The following NIPBL variants were observed in gnomAD, a reference collection of about 807,000 sequenced individuals.
NIPBL encodes the protein nipped-B-like protein.
A neutral mutation model predicts 321.8 loss-of-function variants in NIPBL; 19 were observed. That is an observed-to-expected ratio of 0.06 (90% CI 0.04 to 0.09). The LOEUF is 0.09. Among genes scored for constraint, NIPBL ranks in the 10% least tolerant of loss-of-function variants. The pLI is 1.00. For missense variants in NIPBL, 2,210 were observed against 3,327.0 expected, an observed-to-expected ratio of 0.66 and a Z score of 8.26; for synonymous variants, 1,106 against 1,114.1, an observed-to-expected ratio of 0.99 and a Z score of 0.14.
intron 3 of NIPBL, among the ~76,000 whole-genome samples, chr5:36,955,889 CT>C (rs1225625720): frequency 7.2e-5 from 11 of 151,892 alleles, no homozygotes; most frequent in African/African-American, 2.7e-4. Flanking sequence ...TTGAACTTAT[CT>C]TGGGGGATCC....
intron 1 of NIPBL, among the ~76,000 whole-genome samples, chr5:36,953,169 C>T (rs958008283): frequency 1.3e-5 from 2 of 152,254 alleles, no homozygotes; most frequent in African/African-American, 4.8e-5. Flanking sequence ...ATAAAAGACA[C>T]AGCTAGAAAG....
rs1416730651 is a variant in NIPBL, at chr5:37,064,935, A to C, written c.*43A>C. 1 of 1,613,072 alleles carries C rather than the reference A, an allele frequency of 6.2e-7. No homozygotes were observed. The highest frequency in any genetic ancestry group is 2.2e-5 in the East Asian group (1 of 44,892). On this transcript the variant is annotated 3_prime_UTR_variant, in exon 47 of 47. Transcript: ENST00000282516. ...CCAAATTTACAGGAATTTTTTTAAA[A>C]GGCAGAAAAACTTGAAATACCAACA...
rs1021678109 is a variant in NIPBL, at chr5:36,996,942, T to C, written c.3304+1138T>C. 6.4e-6 allele frequency: 1 copy of C among 155,552 alleles called. No homozygotes were observed. The highest frequency in any genetic ancestry group is 1.9e-4 in the East Asian group (1 of 5,292). 9.6% of individuals were successfully genotyped at this position (155,552 alleles called of 1,614,324 possible). On this transcript the variant is annotated intron_variant, in intron 11 of 46. Transcript: ENST00000282516. This position sits in a 1 kb window ranked among gnomAD's most constrained non-coding sequence, Gnocchi z 5.0. ...AGCTCTTGAGCTATGAGCAGTAGAC[T>C]ATGAATACTGAACAAATCTGAAAAA...
chr5:36,986,335 T>C (rs763259465), intron 10 of NIPBL, 34 bp downstream of exon 10: 2 of 1,345,506 alleles, frequency 1.5e-6, no homozygotes, highest in East Asian at 4.8e-5. Flanking sequence ...ATTTATAATA[T>C]AATCGATTTT....
At chr5:36,977,908 A>G (rs1373306457) in intron 9 of NIPBL, among the ~76,000 whole-genome samples, 3 of 151,882 alleles carry the variant, frequency 2.0e-5, no homozygotes, top group Admixed American at 2.0e-4. Flanking sequence ...AATGGCCTCA[A>G]ACTGCATCCA....
At position 36,976,302 on chromosome 5, in the gene NIPBL, A is replaced by T. The variant is rs1410510139; in HGVS notation, c.1395A>T (p.Ile465=). The change falls in exon 9 of 47, where the codon ATA becomes ATT. Residue 465 remains isoleucine (I), a synonymous_variant. Coordinates refer to ENST00000282516, the MANE Select transcript of NIPBL (RefSeq NM_133433.4). ...AACAGATATCACAACAGGGACCTAT[A>T]TATGATGAAGTGGAATTGGATGCAT... ...NQQQISQQGP[I]YDEVELDALA... is the part of the protein sequence containing the mutation. 1 of 1,613,568 alleles carries T rather than the reference A, an allele frequency of 6.2e-7. No individual in the cohort carries two copies. The highest frequency in any genetic ancestry group is 8.5e-7 in the Non-Finnish European group (1 of 1,179,856).
intron 9 of NIPBL, among the ~76,000 whole-genome samples, chr5:36,978,486 T>C (rs1314640487): frequency 1.3e-5 from 2 of 152,024 alleles, no homozygotes; most frequent in East Asian, 1.9e-4. Flanking sequence ...TTCTCAGTAT[T>C]AGACCTTTGT....
Position 36,955,608 on chromosome 5 carries a change from T to C in NIPBL, c.201T>C (p.His67=). 3 of 1,614,054 alleles carry C rather than the reference T, an allele frequency of 1.9e-6. No individual in the cohort carries two copies. The highest frequency in any genetic ancestry group is 2.2e-5 in the East Asian group (1 of 44,852). The change falls in exon 3 of 47, where the codon CAT becomes CAC. Residue 67 remains histidine (H), a synonymous_variant. Transcript: ENST00000282516. Reference sequence around the variant, plus strand: ...ACAATTTGGTTTCACAGCTTGTCCATAGCCTCAACCAGGTATCAACAGATC... The same window carrying C: ...ACAATTTGGTTTCACAGCTTGTCCACAGCCTCAACCAGGTATCAACAGATC... ...RDDNLVSQLV[H]SLNQVSTDHI... is the part of the protein sequence containing the mutation.
chr5:37,050,099 C>G (rs967522559), intron 40 of NIPBL, among the ~76,000 whole-genome samples: 1 of 152,052 alleles, frequency 6.6e-6, no homozygotes. Context: ...AGACTGTCAC[C>G]TTTTTAAACT....
intron 1 of NIPBL, among the ~76,000 whole-genome samples, chr5:36,952,879 A>G (rs1387237961): frequency 6.6e-6 from 1 of 152,214 alleles, no homozygotes; most frequent in African/African-American, 2.4e-5. Flanking sequence ...GTCACAAAGG[A>G]ATATATAATT....
chr5:36,895,906 TTG>T (rs1489731264), intron 1 of NIPBL, among the ~76,000 whole-genome samples: 2 of 152,230 alleles, frequency 1.3e-5, no homozygotes, highest in African/African-American at 2.4e-5. Flanking sequence ...ATTCTGTGGA[TTG>T]TCTTTTCACT....
intron 46 of NIPBL, 126 bp from the exon 47 acceptor site, chr5:37,064,401 G>A: frequency 1.3e-6 from 2 of 1,543,668 alleles, no homozygotes; most frequent in South Asian, 1.2e-5. Context: ...CTCATTGCCG[G>A]CAATGGAAGT....
At chr5:36,991,512 G>A (rs1345788279) in intron 10 of NIPBL, among the ~76,000 whole-genome samples, 1 of 151,998 alleles carries the variant, frequency 6.6e-6, no homozygotes, top group African/African-American at 2.4e-5. Context: ...TTCTCACCGT[G>A]TATACATATC....
intron 10 of NIPBL, among the ~76,000 whole-genome samples, chr5:36,994,803 ATG>A (rs931908556): frequency 2.0e-5 from 3 of 151,978 alleles, no homozygotes; most frequent in Non-Finnish European, 4.4e-5. Context: ...CTATTTGTGT[ATG>A]TGTTTGTGTG....
intron 1 of NIPBL, among the ~76,000 whole-genome samples, chr5:36,937,949 G>A (rs1054294838): frequency 6.6e-6 from 1 of 152,088 alleles, no homozygotes; most frequent in East Asian, 1.9e-4. Context: ...TTAAATACCA[G>A]CTCCCATCCC....
At chr5:37,039,602 A>G (rs1431656430) in intron 34 of NIPBL, among the ~76,000 whole-genome samples, 1 of 152,128 alleles carries the variant, frequency 6.6e-6, no homozygotes, top group East Asian at 1.9e-4. Flanking sequence ...ACTGCTAAAA[A>G]TTTGAAATTT....
At chr5:37,008,499 C>T in intron 19 of NIPBL, 124 bp from the exon 20 acceptor site, 1 of 653,432 alleles carries the variant, frequency 1.5e-6, no homozygotes. Context: ...AATAGAGCAG[C>T]TTACCTTAGA....
At chr5:37,047,190 C>T (rs1243178710) in intron 38 of NIPBL, among the ~76,000 whole-genome samples, 1 of 152,110 alleles carries the variant, frequency 6.6e-6, no homozygotes, top group Non-Finnish European at 1.5e-5. Context: ...TTTGGTATCC[C>T]TGGGAGGTTC....
intron 6 of NIPBL, among the ~76,000 whole-genome samples, chr5:36,962,748 C>T (rs78374374): frequency 0.02 from 3,037 of 152,092 alleles, 82 homozygotes; most frequent in African/African-American, 0.062. Flanking sequence ...GTTTTCTTGT[C>T]GTTATTACAT....
Sources: gnomAD v4.1 joint callset for allele counts (sites outside exome capture counted in the v4.1 genomes callset) on GRCh38, gnomAD v4.1.1 for gene constraint, Gnocchi (gnomAD v3.1) non-coding constraint, MANE v1.5 for transcripts, NCBI Gene and HGNC (gene_info 2026-07-23, HGNC 2026-07-21) for gene names.